CFAP74: variants seen among roughly 807,000 people sequenced by gnomAD.
The protein encoded by CFAP74 is cilia- and flagella-associated protein 74.
Under a neutral mutation model 188.9 loss-of-function variants are expected in CFAP74, and 124 were observed. The ratio of observed to expected loss-of-function variants is 0.66; its 90% CI spans 0.57 to 0.76. CFAP74 has a LOEUF of 0.76. Among genes scored for constraint, CFAP74 ranks in the 30% least tolerant of loss-of-function variants. CFAP74 has a pLI of 0.00. For missense variants in CFAP74, 2,198 were observed against 2,165.2 expected, an observed-to-expected ratio of 1.02 and a Z score of -0.30; for synonymous variants, 956 against 916.7, an observed-to-expected ratio of 1.04 and a Z score of -0.77.
chr1:1,945,933 G>GCA (rs1192216306), intron 20 of CFAP74, among the ~76,000 whole-genome samples: 2 of 148,520 alleles, frequency 1.3e-5, no homozygotes, highest in Non-Finnish European at 3.0e-5. Context: ...CTGCATGTGT[G>GCA]CACGTGTGTG....
At chr1:1,952,616 C>A (rs566696367) in intron 18 of CFAP74, among the ~76,000 whole-genome samples, 2,084 of 126,530 alleles carry the variant, frequency 0.016, 52 homozygotes, top group African/African-American at 0.068. Flanking sequence ...GAAAGAAAGA[C>A]AGACCTAGTT....
chr1:1,959,903 G>C (rs1432433961), intron 15 of CFAP74, 61 bp downstream of exon 15: 1 of 1,437,858 alleles, frequency 7.0e-7, no homozygotes. Flanking sequence ...CACCATGCCC[G>C]ATCACAGGCT....
intron 8 of CFAP74, among the ~76,000 whole-genome samples, chr1:1,972,568 G>T (rs534347052): frequency 2.6e-5 from 4 of 152,248 alleles, no homozygotes; most frequent in African/African-American, 9.6e-5. Context: ...TCAGGAGGCT[G>T]GGTGCAGTGG....
chr1:1,926,183 G>T, intron 32 of CFAP74, 45 bp downstream of exon 32: 1 of 1,469,990 alleles, frequency 6.8e-7, no homozygotes, highest in Non-Finnish European at 9.0e-7. Flanking sequence ...CTGCAGTGTG[G>T]GGAGCCTTGG....
intron 9 of CFAP74, 45 bp from the exon 10 acceptor site, chr1:1,970,861 G>T (rs756109113): frequency 6.2e-7 from 1 of 1,607,182 alleles, no homozygotes; most frequent in Non-Finnish European, 8.5e-7. Context: ...GCACCCACGG[G>T]CACATGCACA....
At chr1:1,959,830 A>G (rs2102065481) in intron 15 of CFAP74, 134 bp downstream of exon 15, 2 of 702,022 alleles carry the variant, frequency 2.8e-6, no homozygotes, top group South Asian at 4.3e-5. Context: ...AAATAGCAAA[A>G]CAGGGGCCTG....
chr1:1,971,218 TACGCGTGCACGCCTGCACACAC>T (rs1260750153), intron 9 of CFAP74, among the ~76,000 whole-genome samples: 1 of 120,442 alleles, frequency 8.3e-6, no homozygotes, highest in Non-Finnish European at 1.7e-5. Context: ...CCTGCACACA[TACGCGTGCACGCCTGCACACAC>T]ATGCACACAC....
In CFAP74 at chr1:1,939,796, G is replaced by A. The variant is rs1036927491; in HGVS notation, c.2704-29C>T. On this transcript the variant is annotated intron_variant, in intron 23 of 38. Transcript: ENST00000682832. ...AGACATAAAGGGCACAGGCGCCCTC[G>A]CAGCCACTCGGAGACTTACCAAGTG... The A allele has an allele frequency of 9.8e-6, 15 of 1,524,770 alleles. No homozygotes were observed. In the African/African-American group the frequency reaches 1.1e-4, roughly 11 times the overall value. 94.5% of individuals were successfully genotyped at this position (1,524,770 alleles called of 1,614,324 possible). A position where few individuals can be genotyped will look rare whatever the true frequency, so the allele number is the denominator to read the frequency against.
chr1:1,994,174 T>C (rs1327873938), intron 1 of CFAP74, among the ~76,000 whole-genome samples: 8 of 114,752 alleles, frequency 7.0e-5, no homozygotes, highest in Non-Finnish European at 1.1e-4. Flanking sequence ...CTAAAAGGGT[T>C]AAAAAAAAAA....
In CFAP74 at chr1:1,923,913, G is replaced by A. The variant is rs758822438; in HGVS notation, c.4251C>T (p.Asn1417=). The change falls in exon 35 of 39, where the codon AAC becomes AAT. Residue 1417 remains asparagine, a synonymous_variant. Coordinates refer to ENST00000682832, the MANE Select transcript of CFAP74 (RefSeq NM_001304360.2). This position sits in a 1 kb window ranked among gnomAD's most constrained non-coding sequence, Gnocchi z 6.3. The part of the protein sequence containing the change: ...RTEVVGTQNL[N]GQSVFSVAPV... ...GGGCCACGCTGAACACGCTCTGACCGTTGAGATTCTGCGTCCCTGCGGGTA... is the reference window on the plus strand; with the variant it reads ...GGGCCACGCTGAACACGCTCTGACCATTGAGATTCTGCGTCCCTGCGGGTA... The A allele has an allele frequency of 1.2e-5, 20 of 1,610,748 alleles. No homozygotes were observed. Among genetic ancestry groups the A allele is most frequent in the African/African-American group, 8.0e-5 (6 of 74,752 alleles).
intron 13 of CFAP74, among the ~76,000 whole-genome samples, chr1:1,964,146 G>C (rs968998579): frequency 3.3e-4 from 51 of 152,244 alleles, no homozygotes; most frequent in Non-Finnish European, 2.4e-4. Flanking sequence ...AAAAGGCTCA[G>C]ACACTGTGGG....
intron 9 of CFAP74, among the ~76,000 whole-genome samples, chr1:1,971,351 A>ATGCACACACG (rs1491463901): frequency 3.8e-4 from 56 of 148,570 alleles, no homozygotes; most frequent in African/African-American, 1.2e-3. Flanking sequence ...GTGCACACAC[A>ATGCACACACG]TGCACACCTG....
chr1:1,977,580 C>T (rs1656529882), intron 6 of CFAP74, among the ~76,000 whole-genome samples: 3 of 152,202 alleles, frequency 2.0e-5, no homozygotes, highest in African/African-American at 7.2e-5. Context: ...AGCCAATCTA[C>T]ACAGCAGGAC....
rs749332493 is a variant in CFAP74 at position 1,955,826 on chromosome 1, T to C, written c.2041A>G (p.Lys681Glu). Residue 681 changes from lysine to glutamate, a missense_variant, in exon 18 of 39, where the codon AAA (lysine) becomes GAA (glutamate). Coordinates refer to ENST00000682832, the MANE Select transcript of CFAP74 (RefSeq NM_001304360.2). ...GTGGCGGCTTTGTCATACAAGCTTT[T>C]ATCTTCGTAGGTCAGGAGACTGCTC... is the stretch of plus-strand genomic sequence containing the variant. ...KLSSLLTYED[K>E]SLYDKAATSF... 5 of 1,613,722 alleles carry C rather than the reference T, an allele frequency of 3.1e-6. No homozygotes were observed. The highest frequency in any genetic ancestry group is 4.2e-6 in the Non-Finnish European group (5 of 1,180,032).
intron 16 of CFAP74, among the ~76,000 whole-genome samples, chr1:1,957,077 G>A (rs888360910): frequency 6.6e-6 from 1 of 152,262 alleles, no homozygotes; most frequent in Admixed American, 6.5e-5. Context: ...AAGGAGCCTG[G>A]ACACGGGGCT....
chr1:1,960,646 G>C (rs370434304), intron 14 of CFAP74, among the ~76,000 whole-genome samples: 7 of 152,242 alleles, frequency 4.6e-5, no homozygotes, highest in Non-Finnish European at 8.8e-5. Context: ...TAATGTGCTT[G>C]GTTTAGAAAT....
intron 18 of CFAP74, 95 bp downstream of exon 18, chr1:1,955,596 T>C: frequency 6.2e-7 from 1 of 1,611,962 alleles, no homozygotes. Flanking sequence ...ATTCTCTACT[T>C]TCCAGCCCTC....
In CFAP74 at chr1:1,974,129, C is replaced by G. The variant is rs754048187; in HGVS notation, c.570G>C (p.Glu190Asp). 1 of 1,612,848 alleles carries G rather than the reference C, an allele frequency of 6.2e-7. No homozygotes were observed. Among genetic ancestry groups the G allele is most frequent in the Admixed American group, 1.7e-5 (1 of 59,916 alleles). ...GGAGCCGCCGCCCCGTGGCCTCCAC[C>G]TCCTCACGGTCAGCTGTCCGGAAGG... ...LEAFRTADRE[E>D]VEATGRRLQV... Residue 190 changes from glutamate to aspartate, a missense_variant, in exon 7 of 39, where the codon GAG becomes GAC. Transcript: ENST00000682832.
At position 1,963,774 on chromosome 1, in the gene CFAP74, G is replaced by C; in HGVS notation, c.1669C>G (p.His557Asp). 1.2e-6 allele frequency: 2 copies of C among 1,613,274 alleles called. No homozygotes were observed. The highest frequency in any genetic ancestry group is 1.7e-6 in the Non-Finnish European group (2 of 1,179,374). Residue 557 changes from histidine (H) to aspartate (D), a missense_variant, in exon 14 of 39, where the codon CAC (histidine) becomes GAC (aspartate). Transcript: ENST00000682832. ...TCAACGTGGATGAAGTCCCGGAGGTGCTCCTCCACGCCCACCAGCTTGCAG... is the reference window on the plus strand; with the variant it reads ...TCAACGTGGATGAAGTCCCGGAGGTCCTCCTCCACGCCCACCAGCTTGCAG... Reference protein sequence around the residue: ...NYCKLVGVEEHLRDFIHVDFD... With the variant: ...NYCKLVGVEEDLRDFIHVDFD...
Sources: gnomAD v4.1 joint callset for allele counts (sites outside exome capture counted in the v4.1 genomes callset) on GRCh38, gnomAD v4.1.1 for gene constraint, Gnocchi (gnomAD v3.1) non-coding constraint, MANE v1.5 for transcripts, NCBI Gene and HGNC (gene_info 2026-07-23, HGNC 2026-07-21) for gene names.